Variants in ATRNL1 observed in about 807,000 individuals in gnomAD.
The protein encoded by ATRNL1 is attractin-like protein 1.
In ATRNL1, 95 loss-of-function variants were observed where a neutral mutation model predicts 182.7. That is an observed-to-expected ratio of 0.52 (90% confidence interval 0.44 to 0.62). The LOEUF (loss-of-function observed/expected upper bound fraction) is 0.62, where lower values mean the gene tolerates loss of function less well. ATRNL1 is among the 20% of genes least tolerant of loss of function. The pLI is 0.00. For synonymous variants in ATRNL1, 576 were observed against 568.3 expected (o/e 1.01, Z -0.19); for missense variants, 1,471 against 1,679.5 (o/e 0.88, Z 2.17).
At chr10:115,710,132 TA>T (rs71475106) in intron 26 of ATRNL1, among the ~76,000 whole-genome samples, 22 of 148,816 alleles carry the variant, frequency 1.5e-4, no homozygotes, top group South Asian at 2.1e-4. Flanking sequence ...TATCCTATAG[TA>T]AAAAAAAAAC....
rs146365936 is a variant in ATRNL1 at position 115,484,006 on chromosome 10, C to T, written c.3654+14677C>T. On this transcript the variant is annotated intron_variant, in intron 24 of 28. Transcript: ENST00000355044. ...GCATTTGTAAGAATTTGTAAGAATA[C>T]AGTTGAATAAACCTACACTAGGTCT... 3.2e-3 allele frequency among the ~76,000 whole-genome samples: 489 copies of T among 151,586 alleles called. 1 individual carries two copies. The highest frequency in any genetic ancestry group is 5.2e-3 in the Non-Finnish European group (351 of 67,572).
intron 19 of ATRNL1, among the ~76,000 whole-genome samples, chr10:115,342,884 A>G (rs1440454436): frequency 3.9e-5 from 6 of 152,158 alleles, no homozygotes; most frequent in African/African-American, 9.7e-5. Flanking sequence ...TTTAGGATAT[A>G]TATACATTTC....
intron 24 of ATRNL1, among the ~76,000 whole-genome samples, chr10:115,487,503 A>G (rs749266985): frequency 1.3e-5 from 2 of 152,048 alleles, no homozygotes; most frequent in Non-Finnish European, 2.9e-5. Context: ...CTTTGTAGTA[A>G]TTGTGAATGG....
chr10:115,489,839 G>A (rs1187481479), intron 24 of ATRNL1, among the ~76,000 whole-genome samples: 1 of 152,166 alleles, frequency 6.6e-6, no homozygotes, highest in East Asian at 1.9e-4. Flanking sequence ...TTGCAATTTG[G>A]TATGTTTTTG....
At chr10:115,718,392 A>G (rs1279793116) in intron 26 of ATRNL1, among the ~76,000 whole-genome samples, 1 of 152,208 alleles carries the variant, frequency 6.6e-6, no homozygotes, top group Non-Finnish European at 1.5e-5. Context: ...TGTGCTGTTA[A>G]TTATGATTCT....
chr10:115,817,202 G>A (rs145793364), intron 27 of ATRNL1, among the ~76,000 whole-genome samples: 339 of 152,082 alleles, frequency 2.2e-3, no homozygotes, highest in African/African-American at 7.7e-3. Context: ...GCTCCATCTC[G>A]TGGTCGGATT....
chr10:115,241,794 C>T lies in ATRNL1; in HGVS notation c.1687+69C>T, dbSNP rs1320124671. On this transcript the variant is annotated intron_variant, in intron 10 of 28. Coordinates refer to ENST00000355044, the MANE Select transcript of ATRNL1 (RefSeq NM_207303.4). The stretch of plus-strand genomic sequence containing the variant: ...TTTTCCATATAGATATTCTCAAATA[C>T]ATTAATTGATAGCATGTGTATATGT... The T allele has an allele frequency of 5.3e-6, 7 of 1,313,430 alleles. No homozygotes were observed. The East Asian group carries it at 1.6e-4, about 31-fold the overall frequency. The allele number at this position is 1,313,430 out of a possible 1,614,324, so 81.4% of individuals were successfully genotyped here.
chr10:115,306,302 A>C (rs1853726706), intron 17 of ATRNL1, among the ~76,000 whole-genome samples: 1 of 152,208 alleles, frequency 6.6e-6, no homozygotes, highest in South Asian at 2.1e-4. Flanking sequence ...AAATGGCTAA[A>C]TGTGGTATTC....
At chr10:115,778,545 C>A (rs1555078499) in intron 27 of ATRNL1, among the ~76,000 whole-genome samples, 1 of 152,088 alleles carries the variant, frequency 6.6e-6, no homozygotes, top group Non-Finnish European at 1.5e-5. Flanking sequence ...TAAGAATGAT[C>A]CAATGAACGA....
chr10:115,701,307 AGT>A lies in ATRNL1; in HGVS notation c.3796-25940_3796-25939del, dbSNP rs532360851. Among the ~76,000 whole-genome samples the A allele has an allele frequency of 4.2e-3, 642 of 152,214 alleles. 2 individuals carry two copies. Among genetic ancestry groups the A allele is most frequent in the African/African-American group, 9.7e-3 (405 of 41,572 alleles). Reference sequence around the variant, plus strand: ...AAAATTTCTGGGATGCAGCAAAAGCAGTATTCAGAGGAAGCTTATAGTGCTAA... The same window carrying A: ...AAAATTTCTGGGATGCAGCAAAAGCAATTCAGAGGAAGCTTATAGTGCTAA... On this transcript the variant is annotated intron_variant, in intron 26 of 28. Coordinates refer to ENST00000355044, the MANE Select transcript of ATRNL1 (RefSeq NM_207303.4).
chr10:115,708,809 G>A (rs1946976357), intron 26 of ATRNL1, among the ~76,000 whole-genome samples: 1 of 151,776 alleles, frequency 6.6e-6, no homozygotes, highest in Non-Finnish European at 1.5e-5. Flanking sequence ...TGTCTGTGGT[G>A]TATATTACTT....
chr10:115,653,907 T>A (rs1409749155), intron 26 of ATRNL1, among the ~76,000 whole-genome samples: 2 of 152,190 alleles, frequency 1.3e-5, no homozygotes, highest in Non-Finnish European at 1.5e-5. Context: ...ATCTTAAATG[T>A]GCCTGTGATC....
intron 27 of ATRNL1, among the ~76,000 whole-genome samples, chr10:115,733,534 G>A (rs150991313): frequency 1.3e-5 from 2 of 152,106 alleles, no homozygotes; most frequent in Admixed American, 6.6e-5. Context: ...GGTGAAAAAC[G>A]CATTGTTCAA....
At chr10:115,250,428 A>G (rs1274189367) in intron 10 of ATRNL1, among the ~76,000 whole-genome samples, 1 of 152,186 alleles carries the variant, frequency 6.6e-6, no homozygotes, top group East Asian at 1.9e-4. Context: ...TTTTTCCAAC[A>G]GTGACACTAC....
At chr10:115,844,043 G>A (rs1337672352) in intron 27 of ATRNL1, among the ~76,000 whole-genome samples, 1 of 152,182 alleles carries the variant, frequency 6.6e-6, no homozygotes, top group East Asian at 1.9e-4. Context: ...TATAGTAAGT[G>A]CTTAATAAAT....
At chr10:115,661,820 T>G (rs1860705545) in intron 26 of ATRNL1, among the ~76,000 whole-genome samples, 1 of 152,118 alleles carries the variant, frequency 6.6e-6, no homozygotes, top group Non-Finnish European at 1.5e-5. Context: ...GTGCACAACG[T>G]GCAGGTTAGT....
intron 10 of ATRNL1, among the ~76,000 whole-genome samples, chr10:115,252,975 C>T (rs926853314): frequency 6.6e-6 from 1 of 152,186 alleles, no homozygotes; most frequent in African/African-American, 2.4e-5. Flanking sequence ...GCTCCACCTA[C>T]CACCAATGAT....
chr10:115,690,948 A>G (rs1946375212), intron 26 of ATRNL1, among the ~76,000 whole-genome samples: 2 of 151,972 alleles, frequency 1.3e-5, no homozygotes, highest in African/African-American at 4.8e-5. Flanking sequence ...CTTTACCTAC[A>G]ATACCAAGCC....
chr10:115,489,613 T>C (rs1849196845), intron 24 of ATRNL1, among the ~76,000 whole-genome samples: 1 of 152,236 alleles, frequency 6.6e-6, no homozygotes, highest in African/African-American at 2.4e-5. Context: ...TTTGAGCCTG[T>C]GTGTGTCTTT....
Sources: gnomAD v4.1 joint callset for allele counts (sites outside exome capture counted in the v4.1 genomes callset) on GRCh38, gnomAD v4.1.1 for gene constraint, MANE v1.5 for transcripts, NCBI Gene and HGNC (gene_info 2026-07-23, HGNC 2026-07-21) for gene names.